The following HCN1 variants were observed in gnomAD, a reference collection of about 807,000 sequenced individuals.
The protein encoded by HCN1 is hyperpolarization activated cyclic nucleotide gated potassium channel 1.
A neutral mutation model predicts 78.9 loss-of-function variants in HCN1; 13 were observed. The ratio of observed to expected loss-of-function variants is 0.16; its 90% CI spans 0.11 to 0.26. HCN1 has a LOEUF of 0.26. Among genes scored for constraint, HCN1 ranks in the 10% least tolerant of loss-of-function variants. HCN1 has a pLI of 1.00. For missense variants in HCN1, 810 were observed against 1,154.3 expected (o/e 0.70, Z 4.32); for synonymous variants, 552 against 455.5 (o/e 1.21, Z -2.70).
intron 7 of HCN1, among the ~76,000 whole-genome samples, chr5:45,266,610 G>C (rs775441186): frequency 6.6e-6 from 1 of 151,392 alleles, no homozygotes; most frequent in Non-Finnish European, 1.5e-5. Context: ...ACTTAGAAGA[G>C]ATAGATAGGG....
intron 2 of HCN1, among the ~76,000 whole-genome samples, chr5:45,485,829 A>G (rs1410126401): frequency 6.6e-6 from 1 of 152,144 alleles, no homozygotes; most frequent in Non-Finnish European, 1.5e-5. Context: ...AAGAAGCATC[A>G]ACAGATGGTA....
chr5:45,277,031 T>G (rs537815581), intron 6 of HCN1, among the ~76,000 whole-genome samples: 1 of 152,048 alleles, frequency 6.6e-6, no homozygotes, highest in Non-Finnish European at 1.5e-5. Context: ...AGAATATTTC[T>G]CCATGGGTAA....
rs988769334 is a variant in HCN1, at chr5:45,428,494, C to T, written c.1012-31784G>A. Among the ~76,000 whole-genome samples, 3 of 152,022 alleles carry T rather than the reference C, an allele frequency of 2.0e-5. No homozygotes were observed. In the East Asian group the frequency reaches 5.8e-4, roughly 29 times the overall value. ...AAAAAATTCATGTCACTCTAATTCACTGTGTACTCATAAATTTGTAAAAAT... is the reference window on the plus strand; with the variant it reads ...AAAAAATTCATGTCACTCTAATTCATTGTGTACTCATAAATTTGTAAAAAT... On this transcript the variant is annotated intron_variant, in intron 3 of 7. Transcript: ENST00000303230.
In HCN1 at chr5:45,632,279, TTG is replaced by T. The variant is rs139925464; in HGVS notation, c.849+12904_849+12905del. 7.9e-4 allele frequency among the ~76,000 whole-genome samples: 116 copies of T among 147,484 alleles called. 2 individuals carry two copies. The East Asian group carries it at 0.011, about 14-fold the overall frequency. On this transcript the variant is annotated intron_variant, in intron 2 of 7. Coordinates refer to ENST00000303230, the MANE Select transcript of HCN1 (RefSeq NM_021072.4). ...TCCTTGATCCAATGCTAATGTTCCA[TTG>T]TGTGTGTGTGTGTGTGTGTGTGTCT...
intron 4 of HCN1, among the ~76,000 whole-genome samples, chr5:45,358,967 C>A (rs530374275): frequency 1.3e-5 from 2 of 152,212 alleles, no homozygotes; most frequent in South Asian, 4.1e-4. Flanking sequence ...TGCCTTTCTT[C>A]TTCTGCTCTA....
At chr5:45,655,885 A>G (rs2112047598) in intron 1 of HCN1, among the ~76,000 whole-genome samples, 1 of 152,294 alleles carries the variant, frequency 6.6e-6, no homozygotes, top group South Asian at 2.1e-4. Context: ...TCTAAATGCA[A>G]AAAAACACTT....
At chr5:45,532,308 C>G (rs970671286) in intron 2 of HCN1, among the ~76,000 whole-genome samples, 100 of 152,256 alleles carry the variant, frequency 6.6e-4, no homozygotes, top group Admixed American at 1.8e-3. Context: ...AGCTACAATA[C>G]TTTATTGCTT....
At chr5:45,491,121 T>C (rs1334045262) in intron 2 of HCN1, among the ~76,000 whole-genome samples, 1 of 152,176 alleles carries the variant, frequency 6.6e-6, no homozygotes, top group Non-Finnish European at 1.5e-5. Flanking sequence ...TGCAGCAAAG[T>C]AATAAGCGAA....
intron 1 of HCN1, among the ~76,000 whole-genome samples, chr5:45,695,460 G>A (rs1374296340): frequency 6.6e-6 from 1 of 152,126 alleles, no homozygotes; most frequent in East Asian, 1.9e-4. Context: ...CGGGATTCCC[G>A]GGCAACAGGA....
chr5:45,333,784 T>C (rs1363970509), intron 5 of HCN1, among the ~76,000 whole-genome samples: 1 of 151,830 alleles, frequency 6.6e-6, no homozygotes, highest in Non-Finnish European at 1.5e-5. Flanking sequence ...CTGTCAAACA[T>C]GAACCTTCAA....
intron 2 of HCN1, among the ~76,000 whole-genome samples, chr5:45,525,810 G>A (rs553822436): frequency 6.6e-6 from 1 of 151,990 alleles, no homozygotes; most frequent in Non-Finnish European, 1.5e-5. Context: ...CTTAGGGACT[G>A]CATGTTTATG....
At chr5:45,498,635 C>A (rs565952775) in intron 2 of HCN1, among the ~76,000 whole-genome samples, 1 of 152,200 alleles carries the variant, frequency 6.6e-6, no homozygotes, top group African/African-American at 2.4e-5. Flanking sequence ...TGAGGAGCTG[C>A]GTTCCTTTGG....
intron 3 of HCN1, among the ~76,000 whole-genome samples, chr5:45,439,780 G>A (rs1740635114): frequency 2.0e-5 from 3 of 151,866 alleles, no homozygotes; most frequent in Admixed American, 6.6e-5. Context: ...GATTTTATGT[G>A]ATATAAATGC....
chr5:45,342,843 CAT>C (rs894761702), intron 5 of HCN1, among the ~76,000 whole-genome samples: 6 of 151,932 alleles, frequency 3.9e-5, no homozygotes, highest in African/African-American at 1.5e-4. Context: ...AATTTGAAAA[CAT>C]AGACGAAATG....
At chr5:45,281,980 C>T (rs1378801119) in intron 6 of HCN1, among the ~76,000 whole-genome samples, 6 of 151,950 alleles carry the variant, frequency 3.9e-5, no homozygotes, top group African/African-American at 7.3e-5. Context: ...TTGAGCCACA[C>T]GTTTAAATTT....
intron 2 of HCN1, among the ~76,000 whole-genome samples, chr5:45,513,403 T>C (rs373891544): frequency 2.6e-5 from 4 of 152,258 alleles, no homozygotes; most frequent in African/African-American, 7.2e-5. Context: ...TTCCTCATGA[T>C]AAATTATAGA....
intron 6 of HCN1, among the ~76,000 whole-genome samples, chr5:45,272,725 TAAAG>T (rs1190984805): frequency 6.6e-6 from 1 of 152,076 alleles, no homozygotes; most frequent in Non-Finnish European, 1.5e-5. Context: ...ATGTTTATAA[TAAAG>T]AAAACTATCT....
chr5:45,343,530 C>T (rs72762032), intron 5 of HCN1, among the ~76,000 whole-genome samples: 387 of 152,144 alleles, frequency 2.5e-3, no homozygotes, highest in Non-Finnish European at 4.3e-3. Flanking sequence ...GTACAGAGCA[C>T]AGAAAGAAAA....
chr5:45,265,719 G>T (rs558050136), intron 7 of HCN1, among the ~76,000 whole-genome samples: 31 of 152,268 alleles, frequency 2.0e-4, no homozygotes, highest in African/African-American at 6.5e-4. Flanking sequence ...AGTGATCCCA[G>T]CCCCATCTTT....
Sources: gnomAD v4.1 joint callset for allele counts (sites outside exome capture counted in the v4.1 genomes callset) on GRCh38, gnomAD v4.1.1 for gene constraint, MANE v1.5 for transcripts, NCBI Gene and HGNC (gene_info 2026-07-23, HGNC 2026-07-21) for gene names.